CSAD: variants seen among roughly 807,000 people sequenced by gnomAD.
CSAD encodes the protein P-selectin cytoplasmic tail-associated protein.
CSAD carries 47 observed loss-of-function variants against 61.5 expected under a neutral mutation model. That is an observed-to-expected ratio of 0.76 (90% confidence interval 0.60 to 0.97). The LOEUF is 0.97. Among genes scored for constraint, CSAD ranks in the 50% least tolerant of loss-of-function variants. CSAD has a pLI of 0.00. For synonymous variants in CSAD, 245 were observed against 252.7 expected (o/e 0.97, Z 0.29); for missense variants, 611 against 643.6 (o/e 0.95, Z 0.55).
At chr12:53,174,415 A>C (rs892558569) in intron 2 of CSAD, among the ~76,000 whole-genome samples, 2 of 152,098 alleles carry the variant, frequency 1.3e-5, no homozygotes, top group Non-Finnish European at 2.9e-5. Flanking sequence ...TTTTAAGTTT[A>C]TTATTTATAC....
intron 16 of CSAD, among the ~76,000 whole-genome samples, chr12:53,158,893 C>T (rs1421711071): frequency 1.3e-5 from 2 of 152,182 alleles, no homozygotes; most frequent in Non-Finnish European, 2.9e-5. Flanking sequence ...TTCTGCTTTT[C>T]TCCCCATTTC....
chr12:53,179,895 C>T lies in CSAD; in HGVS notation c.-90-753G>A. On this transcript the variant is annotated intron_variant, in intron 1 of 16. Transcript: ENST00000444623. ...CTAGGCAGAAGAATTTGAAGACAGT[C>T]TGGTTTCCATTTTCCTAATGCAGCC... The T allele has an allele frequency of 3.7e-6, 6 of 1,610,286 alleles. No individual in the cohort carries two copies. The South Asian group carries it at 6.6e-5, about 18-fold the overall frequency.
intron 3 of CSAD, 31 bp downstream of exon 3, chr12:53,173,697 C>A (rs769781552): frequency 1.6e-5 from 24 of 1,535,124 alleles, no homozygotes; most frequent in Non-Finnish European, 2.1e-5. Context: ...ACTCTAGTGG[C>A]CATTTCCACC....
intron 4 of CSAD, among the ~76,000 whole-genome samples, chr12:53,173,114 A>G (rs1237960541): frequency 6.6e-6 from 1 of 152,134 alleles, no homozygotes; most frequent in African/African-American, 2.4e-5. Context: ...AGGCTGAGGC[A>G]GGAGAGCTGC....
At chr12:53,178,830 C>A (rs767937194) in intron 2 of CSAD, among the ~76,000 whole-genome samples, 64 of 152,108 alleles carry the variant, frequency 4.2e-4, no homozygotes, top group Non-Finnish European at 7.4e-4. Flanking sequence ...AGCACATATC[C>A]TATCTATAAA....
At position 53,157,842 on chromosome 12, in the gene CSAD, C is replaced by T. The variant is rs760415030; in HGVS notation, c.*669G>A. On this transcript the variant is annotated 3_prime_UTR_variant, in exon 17 of 17. Coordinates refer to ENST00000444623, the MANE Select transcript of CSAD (RefSeq NM_001244705.2). ...ATCCTATTCCAGGGAAAACTATTAA[C>T]ATTTTGCCATATTTCATTTTATCAG... 5 of 152,022 alleles carry T rather than the reference C, an allele frequency of 3.3e-5. No individual in the cohort carries two copies. The highest frequency in any genetic ancestry group is 7.3e-5 in the African/African-American group (3 of 41,344). 9.4% of individuals were successfully genotyped at this position (152,022 alleles called of 1,614,324 possible). A position where few individuals can be genotyped will look rare whatever the true frequency, so the allele number is the denominator to read the frequency against.
chr12:53,160,447 C>A, intron 13 of CSAD, 128 bp from the exon 14 acceptor site: 1 of 950,736 alleles, frequency 1.1e-6, no homozygotes, highest in Admixed American at 2.1e-5. Context: ...ACTGCTGGGA[C>A]GGCTGCCTGC....
intron 1 of CSAD, chr12:53,180,387 G>A (rs1360797065): frequency 2.0e-6 from 2 of 985,210 alleles, no homozygotes; most frequent in Non-Finnish European, 2.4e-6. Flanking sequence ...TTTTCAAGGA[G>A]TCTGAACCAG....
chr12:53,159,992 CAG>C, intron 14 of CSAD, 54 bp from the exon 15 acceptor site: 1 of 1,599,822 alleles, frequency 6.3e-7, no homozygotes, highest in Non-Finnish European at 8.5e-7. Context: ...GAGATCCAGA[CAG>C]AAGAGGCCCA....
rs542245306 is a variant in CSAD at position 53,167,935 on chromosome 12, T to C, written c.702+2137A>G. On this transcript the variant is annotated intron_variant, in intron 10 of 16. Coordinates refer to ENST00000444623, the MANE Select transcript of CSAD (RefSeq NM_001244705.2). ...ACAAAAATCTGTATACAAATGTTCA[T>C]AGCAGCATTATGCATAAGAGCCCCA... Among the ~76,000 whole-genome samples, 551 of 152,310 alleles carry C rather than the reference T, an allele frequency of 3.6e-3. 1 individual carries two copies. The highest frequency in any genetic ancestry group is 6.8e-3 in the Middle Eastern group (2 of 294).
At chr12:53,171,505 C>T in intron 7 of CSAD, 64 bp from the exon 8 acceptor site, 1 of 1,495,070 alleles carries the variant, frequency 6.7e-7, no homozygotes, top group Non-Finnish European at 9.2e-7. Context: ...AGCTTGCCTC[C>T]CTTCCCTTTC....
chr12:53,162,303 C>G (rs909321046), intron 10 of CSAD, among the ~76,000 whole-genome samples: 4 of 152,010 alleles, frequency 2.6e-5, no homozygotes, highest in African/African-American at 9.7e-5. Flanking sequence ...GGTACGGTGG[C>G]TCACACCTGT....
rs1203244551 is a variant in CSAD at position 53,171,942 on chromosome 12, C to T, written c.391G>A (p.Val131Met). The change falls in exon 7 of 17, where the codon GTG (valine) becomes ATG (methionine). Residue 131 changes from valine (V) to methionine (M), a missense_variant. Transcript: ENST00000444623. Reference protein sequence around the residue: ...APVFVLMEEEVLRKLRALVGW... With the variant: ...APVFVLMEEEMLRKLRALVGW... ...ACCAGGGCCCGCAGTTTCCTCAGCACCTCCTCTTCCATGAGCACAAACACG... is the reference window on the plus strand; with the variant it reads ...ACCAGGGCCCGCAGTTTCCTCAGCATCTCCTCTTCCATGAGCACAAACACG... 2 of 1,613,898 alleles carry T rather than the reference C, an allele frequency of 1.2e-6. No homozygotes were observed. The highest frequency in any genetic ancestry group is 2.2e-5 in the South Asian group (2 of 91,062).
chr12:53,170,721 TG>T (rs1940468573), intron 8 of CSAD: 5 of 559,948 alleles, frequency 8.9e-6, no homozygotes, highest in South Asian at 8.3e-5. Flanking sequence ...TGCATTTGTT[TG>T]TTTTTTTTTT....
In CSAD at chr12:53,173,386, C is replaced by G; in HGVS notation, c.85G>C (p.Val29Leu). Residue 29 changes from valine (V) to leucine (L), a missense_variant, in exon 4 of 17, where the codon GTG becomes CTG. Physicochemically the swap from Val to Leu is conservative, Grantham distance 32. Transcript: ENST00000444623. Reference sequence around the variant, plus strand: ...GTTCCTTTCTGAATGGCCTCATCCACAACAACCCCAAACACGGCCCGGAGC... The same window carrying G: ...GTTCCTTTCTGAATGGCCTCATCCAGAACAACCCCAAACACGGCCCGGAGC... ...ALLRAVFGVV[V>L]DEAIQKGTSV... 6.2e-7 allele frequency: 1 copy of G among 1,614,226 alleles called. No individual in the cohort carries two copies. Among genetic ancestry groups the G allele is most frequent in the Non-Finnish European group, 8.5e-7 (1 of 1,180,026 alleles).
intron 10 of CSAD, among the ~76,000 whole-genome samples, chr12:53,162,565 C>T (rs919435643): frequency 6.6e-6 from 1 of 152,106 alleles, no homozygotes; most frequent in Non-Finnish European, 1.5e-5. Context: ...GAAACTCTGT[C>T]TCTAAATAAA....
At chr12:53,159,979 G>A in intron 14 of CSAD, 41 bp from the exon 15 acceptor site, 5 of 1,602,018 alleles carry the variant, frequency 3.1e-6, no homozygotes, top group Non-Finnish European at 4.3e-6. Context: ...GGGAGGAAAA[G>A]CAGAGATCCA....
intron 8 of CSAD, chr12:53,170,934 T>C (rs552108822): frequency 2.8e-5 from 11 of 389,460 alleles, no homozygotes; most frequent in Non-Finnish European, 5.4e-5. Flanking sequence ...TTTCCCAGGG[T>C]GGTATCAAAC....
At chr12:53,165,757 T>C (rs920089057) in intron 10 of CSAD, among the ~76,000 whole-genome samples, 7 of 151,586 alleles carry the variant, frequency 4.6e-5, no homozygotes, top group African/African-American at 1.7e-4. Flanking sequence ...GAATGTAAAC[T>C]GGTACAGCCA....
Sources: allele counts gnomAD v4.1 joint callset (sites outside exome capture counted in the v4.1 genomes callset), GRCh38; gene constraint gnomAD v4.1.1; transcripts MANE v1.5; gene names NCBI Gene and HGNC (gene_info 2026-07-23, HGNC 2026-07-21).